Variants in ANK3 observed in about 807,000 individuals in gnomAD.
ANK3 encodes ankyrin 3, also known as ankyrin-3.
ANK3 carries 57 observed loss-of-function variants against 370.9 expected under a neutral mutation model. That is an observed-to-expected ratio of 0.15 (90% CI 0.12 to 0.19). ANK3 has a LOEUF of 0.19. Among genes scored for constraint, ANK3 ranks in the 10% least tolerant of loss-of-function variants. The pLI, the probability that ANK3 is intolerant of heterozygous loss-of-function variation, is 1.00. For missense variants in ANK3, 4,439 were observed against 5,302.1 expected, an observed-to-expected ratio of 0.84 and a Z score of 5.06; for synonymous variants, 1,929 against 1,946.3, an observed-to-expected ratio of 0.99 and a Z score of 0.23.
At chr10:60,605,295 A>G (rs1230084409) in intron 2 of ANK3, among the ~76,000 whole-genome samples, 1 of 152,012 alleles carries the variant, frequency 6.6e-6, no homozygotes, top group Non-Finnish European at 1.5e-5. Flanking sequence ...AATGCACTTA[A>G]AGAAGGGAAA....
At chr10:60,406,705 T>C (rs935887327) in intron 2 of ANK3, among the ~76,000 whole-genome samples, 2 of 152,186 alleles carry the variant, frequency 1.3e-5, no homozygotes, top group Non-Finnish European at 2.9e-5. Flanking sequence ...AGATTATCAA[T>C]AAAAGGACTG....
chr10:60,240,189 T>TAC, intron 7 of ANK3, among the ~76,000 whole-genome samples: 1 of 142,332 alleles, frequency 7.0e-6, no homozygotes, highest in African/African-American at 2.7e-5. Context: ...TATACACATA[T>TAC]ATATACACAC....
rs1466295811 is a variant in ANK3 at position 60,028,143 on chromosome 10, C to G, written c.*1703G>C. 1 of 152,192 alleles carries G rather than the reference C, an allele frequency of 6.6e-6. No individual in the cohort carries two copies. Among genetic ancestry groups the G allele is most frequent in the Non-Finnish European group, 1.5e-5 (1 of 68,030 alleles). The allele number at this position is 152,192 out of a possible 1,614,324, so 9.4% of individuals were successfully genotyped here. On this transcript the variant is annotated 3_prime_UTR_variant, in exon 44 of 44. Transcript: ENST00000280772. Reference sequence around the variant, plus strand: ...CATGCTGGCTATAGTATCTCCAATTCTTCACTTTTCAAGAAGGCCTGAACA... The same window carrying G: ...CATGCTGGCTATAGTATCTCCAATTGTTCACTTTTCAAGAAGGCCTGAACA...
At chr10:60,535,971 G>A (rs889725351) in intron 2 of ANK3, among the ~76,000 whole-genome samples, 1 of 151,842 alleles carries the variant, frequency 6.6e-6, no homozygotes, top group African/African-American at 2.4e-5. Flanking sequence ...AACAATATTG[G>A]TTGTTTAAAT....
intron 42 of ANK3, among the ~76,000 whole-genome samples, chr10:60,052,053 G>A (rs2078149058): frequency 6.6e-6 from 1 of 152,020 alleles, no homozygotes; most frequent in Admixed American, 6.6e-5. Flanking sequence ...AAGCTATTTT[G>A]AACTTTATTA....
chr10:60,098,816 T>G (rs552734686), intron 28 of ANK3, among the ~76,000 whole-genome samples: 1 of 152,332 alleles, frequency 6.6e-6, no homozygotes, highest in Non-Finnish European at 1.5e-5. Context: ...TCAGCATTAT[T>G]TCACATCTTT....
chr10:60,257,978 T>C (rs1011622242), intron 7 of ANK3, among the ~76,000 whole-genome samples: 3 of 152,202 alleles, frequency 2.0e-5, no homozygotes, highest in African/African-American at 7.2e-5. Flanking sequence ...GTCCATTGTA[T>C]TTGATGAAAA....
chr10:60,053,583 TA>T, intron 42 of ANK3: 1 of 996,636 alleles, frequency 1.0e-6, no homozygotes, highest in Non-Finnish European at 1.3e-6. Flanking sequence ...TAGGAATTGG[TA>T]AAGGGGAAAA....
chr10:60,573,012 G>A lies in ANK3; in HGVS notation c.96+42174C>T, dbSNP rs568036968. On this transcript the variant is annotated intron_variant, in intron 2 of 43. Transcript: ENST00000373827. ...CTGATTTGCTGCTTCTAGCAGGCTG[G>A]GAAGCTGAATGTAAATTGCTCTCCG... The A allele has an allele frequency of 1.0e-5, 10 of 987,322 alleles. No homozygotes were observed. In the East Asian group the frequency reaches 1.0e-3, roughly 100 times the overall value. 61.2% of individuals were successfully genotyped at this position (987,322 alleles called of 1,614,324 possible).
At chr10:60,425,471 T>C (rs2063866049) in intron 2 of ANK3, among the ~76,000 whole-genome samples, 2 of 152,166 alleles carry the variant, frequency 1.3e-5, no homozygotes, top group Admixed American at 6.6e-5. Context: ...GCTGCAGTTA[T>C]GGCCATTAGT....
At chr10:60,232,033 C>A (rs908317172) in intron 8 of ANK3, among the ~76,000 whole-genome samples, 3 of 152,164 alleles carry the variant, frequency 2.0e-5, no homozygotes, top group Non-Finnish European at 4.4e-5. Context: ...ATATTTGGTA[C>A]TTTCATCAGA....
chr10:60,158,978 TA>T (rs1166441580), intron 23 of ANK3, among the ~76,000 whole-genome samples: 8 of 149,500 alleles, frequency 5.4e-5, no homozygotes, highest in East Asian at 3.9e-4. Context: ...GCCCAGCCAA[TA>T]AAAAAAAATC....
At chr10:60,052,349 TAAAGA>T (rs1207844988) in intron 42 of ANK3, among the ~76,000 whole-genome samples, 1 of 152,112 alleles carries the variant, frequency 6.6e-6, no homozygotes, top group African/African-American at 2.4e-5. Flanking sequence ...CAACAACAAG[TAAAGA>T]ATTTATATTA....
At chr10:60,180,748 G>A (rs181610392) in intron 18 of ANK3, among the ~76,000 whole-genome samples, 2 of 152,108 alleles carry the variant, frequency 1.3e-5, no homozygotes, top group Non-Finnish European at 2.9e-5. Flanking sequence ...ATGATGACAT[G>A]AGAAGTCCTA....
At chr10:60,198,314 C>T (rs779356756) in intron 14 of ANK3, 26 bp downstream of exon 14, 4 of 1,612,042 alleles carry the variant, frequency 2.5e-6, no homozygotes, top group Non-Finnish European at 3.4e-6. Context: ...GGGGACAGAG[C>T]AGGATTCTGA....
At chr10:60,384,734 G>A (rs1210039919) in intron 1 of ANK3, among the ~76,000 whole-genome samples, 1 of 152,200 alleles carries the variant, frequency 6.6e-6, no homozygotes, top group Non-Finnish European at 1.5e-5. Context: ...CCTACCTAGT[G>A]TAGAATAAGT....
chr10:60,279,257 C>G (rs72822210), intron 2 of ANK3, 109 bp from the exon 3 acceptor site: 22,289 of 939,414 alleles, frequency 0.024, 323 homozygotes, highest in South Asian at 0.029. Context: ...TGATCACTTG[C>G]ATGTATGCTG....
chr10:60,331,177 G>C (rs1179406264), intron 1 of ANK3, among the ~76,000 whole-genome samples: 2 of 152,068 alleles, frequency 1.3e-5, no homozygotes, highest in Non-Finnish European at 1.5e-5. Context: ...ATGATGGGTT[G>C]ATGGGTGCAG....
At chr10:60,312,477 G>A (rs958689923) in intron 1 of ANK3, among the ~76,000 whole-genome samples, 13 of 152,202 alleles carry the variant, frequency 8.5e-5, no homozygotes, top group African/African-American at 2.9e-4. Context: ...CTACCTTAAA[G>A]GGGTTTGGCA....
Sources: allele counts gnomAD v4.1 joint callset (sites outside exome capture counted in the v4.1 genomes callset), GRCh38; gene constraint gnomAD v4.1.1; transcripts MANE v1.5; gene names NCBI Gene and HGNC (gene_info 2026-07-23, HGNC 2026-07-21).